Variants in ARHGAP15 observed in about 807,000 individuals in gnomAD.
ARHGAP15 encodes Rho GTPase activating protein 15.
A neutral mutation model predicts 63.7 loss-of-function variants in ARHGAP15; 51 were observed. The ratio of observed to expected loss-of-function variants is 0.80; its 90% CI spans 0.64 to 1.01. The LOEUF (loss-of-function observed/expected upper bound fraction) is 1.01. Ranked by LOEUF, ARHGAP15 falls within the 50% of genes least tolerant of loss-of-function variation. The pLI is 0.00. For synonymous variants in ARHGAP15, 191 were observed against 193.8 expected (o/e 0.99, Z 0.12); for missense variants, 560 against 564.6 (o/e 0.99, Z 0.08).
At chr2:143,255,247 G>C (rs1026990252) in intron 6 of ARHGAP15, among the ~76,000 whole-genome samples, 3 of 151,926 alleles carry the variant, frequency 2.0e-5, no homozygotes, top group African/African-American at 7.3e-5. Context: ...AATGACTAAA[G>C]AAGAGGAAAG....
At chr2:143,724,191 G>C (rs1351802721) in intron 13 of ARHGAP15, among the ~76,000 whole-genome samples, 1 of 152,112 alleles carries the variant, frequency 6.6e-6, no homozygotes, top group Non-Finnish European at 1.5e-5. Context: ...AAATCCAGTA[G>C]CTGGAGTGGA....
At chr2:143,599,496 G>A (rs1022085616) in intron 11 of ARHGAP15, among the ~76,000 whole-genome samples, 35 of 151,646 alleles carry the variant, frequency 2.3e-4, no homozygotes, top group Non-Finnish European at 4.4e-4. Flanking sequence ...TCAGGAGTTC[G>A]AGACCAGCCT....
At chr2:143,434,835 T>G (rs1289559572) in intron 6 of ARHGAP15, among the ~76,000 whole-genome samples, 1 of 152,138 alleles carries the variant, frequency 6.6e-6, no homozygotes, top group African/African-American at 2.4e-5. Context: ...ATTGCTCTGT[T>G]TCTGTAGGGT....
At position 143,162,847 on chromosome 2, in the gene ARHGAP15, A is replaced by G. The variant is rs1690353308; in HGVS notation, c.165+7192A>G. Reference sequence around the variant, plus strand: ...ATCAGCAGATGGGAATATTCTTTACATATTTACCAGATGTTAACACCCAAA... The same window carrying G: ...ATCAGCAGATGGGAATATTCTTTACGTATTTACCAGATGTTAACACCCAAA... On this transcript the variant is annotated intron_variant, in intron 2 of 13. Coordinates refer to ENST00000295095, the MANE Select transcript of ARHGAP15 (RefSeq NM_018460.4). Among the ~76,000 whole-genome samples the G allele has an allele frequency of 2.6e-5, 4 of 152,114 alleles. 1 individual carries two copies. The South Asian group carries it at 6.2e-4, about 24-fold the overall frequency.
chr2:143,330,703 C>T (rs1265876555), intron 6 of ARHGAP15, among the ~76,000 whole-genome samples: 1 of 152,116 alleles, frequency 6.6e-6, no homozygotes, highest in Non-Finnish European at 1.5e-5. Context: ...TTCATTTCTC[C>T]ATCAGTGATA....
At chr2:143,306,956 C>A (rs892639865) in intron 6 of ARHGAP15, among the ~76,000 whole-genome samples, 2 of 152,060 alleles carry the variant, frequency 1.3e-5, no homozygotes, top group African/African-American at 2.4e-5. Flanking sequence ...CAGGGTCTCA[C>A]GAAGTTGCTA....
intron 6 of ARHGAP15, among the ~76,000 whole-genome samples, chr2:143,330,108 AAAAAAAAAAAAAAAAAAAAAAAAC>A (rs1684454407): frequency 1.1e-4 from 9 of 82,766 alleles, no homozygotes; most frequent in Admixed American, 1.5e-4. Flanking sequence ...AAAAAAAAAA[AAAAAAAAAAAAAAAAAAAAAAAAC>A]CAAAAACAAA....
chr2:143,286,302 C>T (rs1682095958), intron 6 of ARHGAP15, among the ~76,000 whole-genome samples: 1 of 152,064 alleles, frequency 6.6e-6, no homozygotes, highest in Non-Finnish European at 1.5e-5. Flanking sequence ...TGAATGCCAG[C>T]CAGAGTGTTA....
intron 11 of ARHGAP15, among the ~76,000 whole-genome samples, 177 bp downstream of exon 11, chr2:143,556,662 G>T (rs1036903833): frequency 1.3e-5 from 2 of 151,866 alleles, no homozygotes; most frequent in African/African-American, 4.8e-5. Context: ...ATCTAGAAAA[G>T]AATAGCATAT....
chr2:143,578,847 A>G (rs1345434260), intron 11 of ARHGAP15, among the ~76,000 whole-genome samples: 1 of 152,200 alleles, frequency 6.6e-6, no homozygotes, highest in Non-Finnish European at 1.5e-5. Context: ...TTGTTAATAG[A>G]TGAGCTAATA....
At chr2:143,295,872 A>G (rs770892844) in intron 6 of ARHGAP15, among the ~76,000 whole-genome samples, 4 of 151,994 alleles carry the variant, frequency 2.6e-5, no homozygotes, top group Non-Finnish European at 4.4e-5. Context: ...AGGAAAATGA[A>G]TACTGAGTTC....
At chr2:143,757,881 A>G (rs892499570) in intron 13 of ARHGAP15, among the ~76,000 whole-genome samples, 2 of 152,156 alleles carry the variant, frequency 1.3e-5, no homozygotes, top group Admixed American at 6.5e-5. Flanking sequence ...ATAGTACTAG[A>G]TATGACTACA....
Position 143,155,506 on chromosome 2 carries a change from A to C in ARHGAP15, c.16A>C (p.Asn6His). Residue 6 changes from asparagine to histidine, a missense_variant, in exon 2 of 14, where the codon AAT becomes CAT. Asn to His is a moderately conservative substitution (Grantham distance 68, BLOSUM62 1). Coordinates refer to ENST00000295095, the MANE Select transcript of ARHGAP15 (RefSeq NM_018460.4). MQKSTNSDTSVETLNS... is the reference protein window; with the variant it reads MQKSTHSDTSVETLNS... ...GCACTATAATATGCAGAAATCTACA[A>C]ATTCTGATACTTCCGTGGAAACACT... 1 of 1,607,452 alleles carries C rather than the reference A, an allele frequency of 6.2e-7. No individual in the cohort carries two copies. Among genetic ancestry groups the C allele is most frequent in the Non-Finnish European group, 8.5e-7 (1 of 1,177,386 alleles).
At chr2:143,387,632 T>C (rs916298956) in intron 6 of ARHGAP15, among the ~76,000 whole-genome samples, 3 of 151,960 alleles carry the variant, frequency 2.0e-5, no homozygotes, top group Admixed American at 1.3e-4. Flanking sequence ...GCTAGTCCAC[T>C]GTTAATTACC....
chr2:143,139,103 G>A (rs887621330), intron 1 of ARHGAP15, among the ~76,000 whole-genome samples: 12 of 151,900 alleles, frequency 7.9e-5, no homozygotes, highest in Admixed American at 6.6e-4. Context: ...TGGTGTCTCT[G>A]TCAAAATTGT....
At chr2:143,579,495 G>C (rs563346421) in intron 11 of ARHGAP15, among the ~76,000 whole-genome samples, 8 of 152,140 alleles carry the variant, frequency 5.3e-5, no homozygotes, top group Non-Finnish European at 1.2e-4. Context: ...AGGATGCCTA[G>C]GATAAATGAT....
chr2:143,703,457 T>G lies in ARHGAP15; in HGVS notation c.1177T>G (p.Ser393Ala). The G allele has an allele frequency of 6.2e-7, 1 of 1,612,054 alleles. No individual in the cohort carries two copies. Among genetic ancestry groups the G allele is most frequent in the East Asian group, 2.2e-5 (1 of 44,762 alleles). The change falls in exon 13 of 14, where the codon TCT becomes GCT. Residue 393 changes from serine (S) to alanine (A), a missense_variant. Ser to Ala is a moderately conservative substitution (Grantham distance 99). Transcript: ENST00000295095. ...CAACACAAGAATTGAAGCTGTAAAA[T>G]CTCTTGTACAAAAACTCCCTCCGCC... Reference protein sequence around the residue: ...DNNTRIEAVKSLVQKLPPPNR... With the variant: ...DNNTRIEAVKALVQKLPPPNR...
intron 6 of ARHGAP15, among the ~76,000 whole-genome samples, chr2:143,323,696 G>C (rs954676572): frequency 5.3e-5 from 8 of 151,748 alleles, no homozygotes; most frequent in African/African-American, 1.9e-4. Flanking sequence ...GGAGATCCGA[G>C]ACCACGGTGA....
chr2:143,524,089 C>T (rs1197973011), intron 10 of ARHGAP15, among the ~76,000 whole-genome samples: 5 of 152,090 alleles, frequency 3.3e-5, no homozygotes, highest in Non-Finnish European at 7.4e-5. Context: ...GACTTGGTGC[C>T]TAAAAGCCAC....
Sources: allele counts gnomAD v4.1 joint callset (sites outside exome capture counted in the v4.1 genomes callset), GRCh38; gene constraint gnomAD v4.1.1; transcripts MANE v1.5; gene names NCBI Gene and HGNC (gene_info 2026-07-23, HGNC 2026-07-21).